Variants in RPS6KC1 observed in about 807,000 individuals in gnomAD.
RPS6KC1 encodes ribosomal protein S6 kinase C1.
Under a neutral mutation model 103.8 loss-of-function variants are expected in RPS6KC1, and 54 were observed. That is an observed-to-expected ratio of 0.52 (90% CI 0.42 to 0.65). The LOEUF (loss-of-function observed/expected upper bound fraction) is 0.65. RPS6KC1 is among the 30% of genes least tolerant of loss of function. The pLI is 0.00. For missense variants in RPS6KC1, 1,151 were observed against 1,253.8 expected (o/e 0.92, Z 1.24); for synonymous variants, 439 against 438.7 (o/e 1.00, Z -0.01).
At chr1:213,418,814 C>A in the RPS6KC1 span, among the ~76,000 whole-genome samples, 135 of 152,282 alleles carry the variant, frequency 8.9e-4, 1 homozygote, top group South Asian at 0.012. Flanking sequence ...CCGGGGTGAG[C>A]GTTTTCTAGC....
chr1:213,264,480 T>G (rs1239975774), intron 14 of RPS6KC1, among the ~76,000 whole-genome samples: 1 of 152,170 alleles, frequency 6.6e-6, no homozygotes, highest in African/African-American at 2.4e-5. Flanking sequence ...GTAGTCATTA[T>G]TATATAATAT....
chr1:213,162,033 T>C (rs1387414234), intron 6 of RPS6KC1, among the ~76,000 whole-genome samples: 2 of 152,188 alleles, frequency 1.3e-5, no homozygotes, highest in Admixed American at 6.5e-5. Flanking sequence ...TGGAGTTTCA[T>C]TTCCAAATTT....
At chr1:213,731,883 A>G in the RPS6KC1 span, among the ~76,000 whole-genome samples, 4 of 152,146 alleles carry the variant, frequency 2.6e-5, no homozygotes, top group South Asian at 8.3e-4. Flanking sequence ...CTTATTTTAC[A>G]TAATATTTAT....
chr1:213,811,389 C>A, the RPS6KC1 span, among the ~76,000 whole-genome samples: 3 of 152,116 alleles, frequency 2.0e-5, no homozygotes, highest in African/African-American at 7.2e-5. Flanking sequence ...CTCTGCCCAG[C>A]CCATCCCCAT....
intron 8 of RPS6KC1, among the ~76,000 whole-genome samples, chr1:213,214,721 T>C (rs1045300796): frequency 1.3e-5 from 2 of 152,114 alleles, no homozygotes; most frequent in Admixed American, 1.3e-4. Context: ...TGTTTAGCAA[T>C]ATTCGCTGTT....
At chr1:213,422,058 C>A in the RPS6KC1 span, among the ~76,000 whole-genome samples, 1 of 152,138 alleles carries the variant, frequency 6.6e-6, no homozygotes, top group Non-Finnish European at 1.5e-5. Context: ...CCATTGAAAC[C>A]ATTTTAAAGT....
chr1:213,410,570 G>A, the RPS6KC1 span, among the ~76,000 whole-genome samples: 16 of 152,290 alleles, frequency 1.1e-4, no homozygotes, highest in African/African-American at 3.9e-4. Flanking sequence ...GAATTTGGAG[G>A]CCACAGATTC....
At chr1:213,681,505 T>C in the RPS6KC1 span, among the ~76,000 whole-genome samples, 1 of 151,860 alleles carries the variant, frequency 6.6e-6, no homozygotes, top group Non-Finnish European at 1.5e-5. Flanking sequence ...GTTAAATATA[T>C]AGATGTTCTG....
chr1:213,158,147 G>A (rs1480431562), intron 6 of RPS6KC1, among the ~76,000 whole-genome samples: 1 of 151,890 alleles, frequency 6.6e-6, no homozygotes, highest in East Asian at 1.9e-4. Flanking sequence ...TGATTAACAT[G>A]TTTATGTACA....
At chr1:213,357,479 G>A in the RPS6KC1 span, among the ~76,000 whole-genome samples, 3 of 152,172 alleles carry the variant, frequency 2.0e-5, no homozygotes, top group Admixed American at 6.5e-5. Context: ...GATTAGAATC[G>A]GAAAGCATCT....
the RPS6KC1 span, among the ~76,000 whole-genome samples, chr1:213,556,242 T>C: frequency 6.6e-6 from 1 of 152,106 alleles, no homozygotes; most frequent in African/African-American, 2.4e-5. Context: ...TGGGGAGGAA[T>C]TGGAAGGGGA....
chr1:213,713,009 AATAG>A, the RPS6KC1 span, among the ~76,000 whole-genome samples: 1 of 152,064 alleles, frequency 6.6e-6, no homozygotes, highest in Non-Finnish European at 1.5e-5. Flanking sequence ...ACTTTTTAAA[AATAG>A]ATAGTTGTTA....
chr1:213,177,662 G>A (rs2091962215), intron 8 of RPS6KC1, among the ~76,000 whole-genome samples: 1 of 152,060 alleles, frequency 6.6e-6, no homozygotes, highest in East Asian at 1.9e-4. Context: ...TCATAACCGT[G>A]TTTTCTGTGG....
chr1:213,225,154 T>C (rs2093929899), intron 8 of RPS6KC1, among the ~76,000 whole-genome samples: 1 of 152,196 alleles, frequency 6.6e-6, no homozygotes. Flanking sequence ...TCTAATTATA[T>C]TATCACCAGC....
chr1:213,350,722 A>T, the RPS6KC1 span, among the ~76,000 whole-genome samples: 1 of 152,238 alleles, frequency 6.6e-6, no homozygotes, highest in Non-Finnish European at 1.5e-5. Flanking sequence ...CAAGGCAAAC[A>T]ATAAAATGAA....
At chr1:213,811,216 A>C in the RPS6KC1 span, among the ~76,000 whole-genome samples, 1 of 152,146 alleles carries the variant, frequency 6.6e-6, no homozygotes, top group African/African-American at 2.4e-5. Flanking sequence ...GAGATTTTTC[A>C]CCTTTAATAC....
the RPS6KC1 span, among the ~76,000 whole-genome samples, chr1:213,472,661 T>C: frequency 6.6e-6 from 1 of 152,330 alleles, no homozygotes. Context: ...ACAGTTTCCT[T>C]GGAGCACCCA....
the RPS6KC1 span, among the ~76,000 whole-genome samples, chr1:213,742,697 A>G: frequency 1.3e-5 from 2 of 152,272 alleles, no homozygotes; most frequent in Admixed American, 6.5e-5. Context: ...TTGCCCATGA[A>G]GTGAACTCTA....
At chr1:213,441,394 A>G in the RPS6KC1 span, among the ~76,000 whole-genome samples, 6 of 152,030 alleles carry the variant, frequency 3.9e-5, no homozygotes, top group African/African-American at 1.4e-4. Flanking sequence ...CTCTGCTCCT[A>G]TGGGTTCAAT....
Sources: allele counts gnomAD v4.1 joint callset (sites outside exome capture counted in the v4.1 genomes callset), GRCh38; gene constraint gnomAD v4.1.1; transcripts MANE v1.5; gene names NCBI Gene and HGNC (gene_info 2026-07-23, HGNC 2026-07-21).